Variants in MICAL2 observed in about 807,000 individuals in gnomAD.
The protein encoded by MICAL2 is microtubule associated monooxygenase, calponin and LIM domain containing 2.
MICAL2 carries 77 observed loss-of-function variants against 127.3 expected under a neutral mutation model. The observed-to-expected ratio is 0.60, with a 90% CI of 0.50 to 0.73. The LOEUF (loss-of-function observed/expected upper bound fraction) is 0.73, where lower values mean the gene tolerates loss of function less well. MICAL2 is among the 30% of genes least tolerant of loss of function. MICAL2 has a pLI of 0.00. For missense variants in MICAL2, 1,351 were observed against 1,434.4 expected, an observed-to-expected ratio of 0.94 and a Z score of 0.94; for synonymous variants, 570 against 551.1, an observed-to-expected ratio of 1.03 and a Z score of -0.48.
chr11:12,194,959 A>G (rs1417518237), intron 3 of MICAL2, among the ~76,000 whole-genome samples: 2 of 152,228 alleles, frequency 1.3e-5, no homozygotes, highest in East Asian at 3.8e-4. Flanking sequence ...TTCATTTTAT[A>G]TACATTTTAC....
intron 15 of MICAL2, among the ~76,000 whole-genome samples, chr11:12,233,486 A>G (rs1383182407): frequency 6.6e-6 from 1 of 152,242 alleles, no homozygotes. Context: ...CTAACTAAAT[A>G]TAAAGTTTGT....
chr11:12,234,860 G>A (rs1031103662), intron 15 of MICAL2, among the ~76,000 whole-genome samples: 3 of 152,180 alleles, frequency 2.0e-5, no homozygotes, highest in Non-Finnish European at 2.9e-5. Flanking sequence ...CCTGTGATCG[G>A]GTAGGTTAGG....
At chr11:12,336,721 T>G (rs901868901) in intron 32 of MICAL2, among the ~76,000 whole-genome samples, 33 of 152,134 alleles carry the variant, frequency 2.2e-4, no homozygotes, top group Non-Finnish European at 4.0e-4. Context: ...CATGTGGTTT[T>G]TGTCTTTGGT....
intron 30 of MICAL2, among the ~76,000 whole-genome samples, chr11:12,323,771 A>G (rs546800293): frequency 6.6e-6 from 1 of 152,330 alleles, no homozygotes; most frequent in South Asian, 2.1e-4. Flanking sequence ...CACTAGCCAC[A>G]TGGGGCTTGT....
chr11:12,329,877 A>G (rs945840404), intron 32 of MICAL2, among the ~76,000 whole-genome samples: 13 of 150,794 alleles, frequency 8.6e-5, no homozygotes, highest in South Asian at 8.4e-4. Flanking sequence ...AAAAAAAAAA[A>G]AAAAAAGAAA....
Position 12,314,280 on chromosome 11 carries a change from C to T in MICAL2, c.5213-5416C>T, listed in dbSNP as rs1055306186. On this transcript the variant is annotated intron_variant, in intron 29 of 34. Coordinates refer to the MICAL2 transcript ENST00000646065. ...TTTCTTGCTTTATTTTTAATTAATC[C>T]GGAATTTAAAAATTCAATTTCTTCT... Among the ~76,000 whole-genome samples the T allele has an allele frequency of 1.1e-4, 16 of 151,388 alleles. No homozygotes were observed. The Middle Eastern group carries it at 0.014, about 130-fold the overall frequency.
At chr11:12,255,836 T>A in intron 23 of MICAL2, 86 bp downstream of exon 23, 1 of 1,056,428 alleles carries the variant, frequency 9.5e-7, no homozygotes, top group Non-Finnish European at 1.4e-6. Context: ...GAGGATGCCC[T>A]GGCCCTCCCG....
intron 32 of MICAL2, among the ~76,000 whole-genome samples, chr11:12,348,179 T>G (rs1429016510): frequency 7.8e-6 from 1 of 127,574 alleles, no homozygotes. Flanking sequence ...AAAAAAGGCA[T>G]AGTATTTGCA....
At chr11:12,343,104 A>G (rs1363062246) in intron 32 of MICAL2, among the ~76,000 whole-genome samples, 2 of 152,078 alleles carry the variant, frequency 1.3e-5, no homozygotes, top group African/African-American at 4.8e-5. Flanking sequence ...TTGACTACTG[A>G]AGAAAGGGAG....
intron 32 of MICAL2, among the ~76,000 whole-genome samples, chr11:12,339,037 T>C (rs973884518): frequency 6.6e-6 from 1 of 152,250 alleles, no homozygotes; most frequent in Non-Finnish European, 1.5e-5. Context: ...CTGGATAATA[T>C]CCTGCAGAGT....
intron 1 of MICAL2, among the ~76,000 whole-genome samples, chr11:12,278,763 C>T (rs147927066): frequency 4.2e-4 from 64 of 152,150 alleles, no homozygotes; most frequent in African/African-American, 1.5e-3. Flanking sequence ...CAGAGTGACT[C>T]TCAGAATTTT....
chr11:12,338,522 G>C (rs7941094), intron 32 of MICAL2, among the ~76,000 whole-genome samples: 4 of 152,044 alleles, frequency 2.6e-5, no homozygotes, highest in Non-Finnish European at 4.4e-5. Context: ...TATTTTGCTC[G>C]TTAGTTGATG....
intron 20 of MICAL2, 68 bp from the exon 21 acceptor site, chr11:12,243,919 T>C (rs1860335594): frequency 4.4e-6 from 7 of 1,576,706 alleles, no homozygotes; most frequent in Middle Eastern, 1.7e-4. Context: ...GACTGCATGA[T>C]TGAGGCATGT....
downstream of MICAL2, among the ~76,000 whole-genome samples, chr11:12,264,114 G>T (rs2706650): frequency 0.38 from 57,157 of 151,928 alleles, 11,139 homozygotes; most frequent in Admixed American, 0.46. Context: ...ACCTTTACCC[G>T]TTTCCCCCGC....
intron 3 of MICAL2, among the ~76,000 whole-genome samples, chr11:12,192,318 T>A (rs1476550363): frequency 2.0e-5 from 3 of 152,174 alleles, no homozygotes; most frequent in Non-Finnish European, 2.9e-5. Flanking sequence ...CAGGTGGGAC[T>A]CACTCACCAC....
chr11:12,294,847 G>A (rs755458847), downstream of MICAL2: 49 of 1,304,952 alleles, frequency 3.8e-5, no homozygotes, highest in African/African-American at 4.7e-5. Context: ...CTCCTACAGC[G>A]GGAGGTGCAG....
intron 31 of MICAL2, among the ~76,000 whole-genome samples, chr11:12,325,608 T>A (rs913982712): frequency 6.6e-6 from 1 of 152,254 alleles, no homozygotes; most frequent in Non-Finnish European, 1.5e-5. Flanking sequence ...GCCTTCTTCA[T>A]GTGTCCTCAC....
chr11:12,221,821 A>G (rs199637375), intron 10 of MICAL2, 62 bp downstream of exon 10: 16 of 1,357,522 alleles, frequency 1.2e-5, no homozygotes, highest in Non-Finnish European at 1.7e-5. Context: ...AAAGGGGGCA[A>G]GATCACCCCG....
chr11:12,131,624 G>A (rs1421341618), intron 1 of MICAL2, among the ~76,000 whole-genome samples: 1 of 152,138 alleles, frequency 6.6e-6, no homozygotes, highest in East Asian at 1.9e-4. Flanking sequence ...ACAGCCCCCA[G>A]TTCAGCATTT....
Sources: gnomAD v4.1 joint callset for allele counts (sites outside exome capture counted in the v4.1 genomes callset) on GRCh38, gnomAD v4.1.1 for gene constraint, MANE v1.5 for transcripts, NCBI Gene and HGNC (gene_info 2026-07-23, HGNC 2026-07-21) for gene names.